The following OLFM4 variants were observed in gnomAD, a reference collection of about 807,000 sequenced individuals.
The protein encoded by OLFM4 is olfactomedin-4.
Under a neutral mutation model 25.5 loss-of-function variants are expected in OLFM4, and 22 were observed. That is an observed-to-expected ratio of 0.86 (90% CI 0.62 to 1.23). OLFM4 has a LOEUF of 1.23. OLFM4 is among the 50% of genes most tolerant of loss of function. OLFM4 has a pLI of 0.00. For synonymous variants in OLFM4, 255 were observed against 237.7 expected, an observed-to-expected ratio of 1.07 and a Z score of -0.67; for missense variants, 594 against 619.4, an observed-to-expected ratio of 0.96 and a Z score of 0.44.
intron 2 of OLFM4, among the ~76,000 whole-genome samples, chr13:53,039,590 A>G (rs1054270081): frequency 3.8e-4 from 58 of 152,352 alleles, no homozygotes; most frequent in African/African-American, 1.4e-3. Context: ...CTTGATTTAA[A>G]GTATTTGGGA....
chr13:53,047,919 A>G (rs1233175771), intron 4 of OLFM4, among the ~76,000 whole-genome samples: 1 of 152,044 alleles, frequency 6.6e-6, no homozygotes, highest in East Asian at 1.9e-4. Flanking sequence ...GGTTTGGGAT[A>G]TTTTCTTTTC....
intron 4 of OLFM4, among the ~76,000 whole-genome samples, chr13:53,044,549 AT>A (rs1282942314): frequency 1.3e-5 from 2 of 151,974 alleles, no homozygotes; most frequent in Non-Finnish European, 2.9e-5. Flanking sequence ...CTTCAGGTGG[AT>A]TTTTTTCCTC....
rs1954690302 is a variant in OLFM4 at position 53,042,090 on chromosome 13, A to G, written c.538A>G (p.Ser180Gly). 1.2e-6 allele frequency: 2 copies of G among 1,613,854 alleles called. No homozygotes were observed. Among genetic ancestry groups the G allele is most frequent in the Admixed American group, 1.7e-5 (1 of 59,968 alleles). ...VIQLKESFGG[S>G]SEIVDQLEVE... ...ACAGCTGAAGGAGAGTTTTGGTGGAAGCTCAGAAATTGTTGACCAGCTGGA... is the reference window on the plus strand; with the variant it reads ...ACAGCTGAAGGAGAGTTTTGGTGGAGGCTCAGAAATTGTTGACCAGCTGGA... Residue 180 changes from serine to glycine, a missense_variant, in exon 3 of 5, where the codon AGC (serine) becomes GGC (glycine). Transcript: ENST00000219022.
At chr13:53,046,228 G>T (rs147131741) in intron 4 of OLFM4, among the ~76,000 whole-genome samples, 192 of 152,286 alleles carry the variant, frequency 1.3e-3, no homozygotes, top group Middle Eastern at 6.8e-3. Context: ...TTGAGAGAGT[G>T]CATTAATAGA....
At chr13:53,042,360 T>C (rs1029203948) in intron 3 of OLFM4, among the ~76,000 whole-genome samples, 1 of 152,226 alleles carries the variant, frequency 6.6e-6, no homozygotes, top group Non-Finnish European at 1.5e-5. Flanking sequence ...GTCAGAATCC[T>C]GCCCCAGAAT....
chr13:53,030,065 A>T (rs1397323774), intron 1 of OLFM4, among the ~76,000 whole-genome samples: 1 of 152,162 alleles, frequency 6.6e-6, no homozygotes, highest in Non-Finnish European at 1.5e-5. Flanking sequence ...CTTTCCTCAC[A>T]GGTCAGGTAG....
chr13:53,028,871 T>G lies in OLFM4; in HGVS notation c.35T>G (p.Leu12Arg). The G allele has an allele frequency of 1.2e-6, 2 of 1,614,218 alleles. No homozygotes were observed. The highest frequency in any genetic ancestry group is 1.7e-6 in the Non-Finnish European group (2 of 1,180,026). The change falls in exon 1 of 5, where the codon CTG (leucine) becomes CGG (arginine). Residue 12 changes from leucine (L) to arginine (R), a missense_variant. Physicochemically the swap from Leu to Arg is moderately radical, Grantham distance 102 (BLOSUM62 -2). Coordinates refer to ENST00000219022, the MANE Select transcript of OLFM4 (RefSeq NM_006418.5). ...RPGLSFLLAL[L>R]FFLGQAAGDL... is the part of the protein sequence containing the mutation. ...GGCCTCTCATTTCTCCTAGCCCTTCTGTTCTTCCTTGGCCAAGCTGCAGGG... is the reference window on the plus strand; with the variant it reads ...GGCCTCTCATTTCTCCTAGCCCTTCGGTTCTTCCTTGGCCAAGCTGCAGGG...
At chr13:53,030,884 A>G (rs1006554163) in intron 1 of OLFM4, among the ~76,000 whole-genome samples, 1 of 152,242 alleles carries the variant, frequency 6.6e-6, no homozygotes, top group East Asian at 1.9e-4. Flanking sequence ...AATCAGTTAC[A>G]TAAGTTTATT....
chr13:53,030,319 T>C (rs1348837685), intron 1 of OLFM4, among the ~76,000 whole-genome samples: 1 of 152,214 alleles, frequency 6.6e-6, no homozygotes, highest in Non-Finnish European at 1.5e-5. Context: ...TGTTTGTTTT[T>C]TGAGACAGAG....
At chr13:53,036,290 T>C (rs958633024) in intron 2 of OLFM4, among the ~76,000 whole-genome samples, 1 of 152,234 alleles carries the variant, frequency 6.6e-6, no homozygotes, top group African/African-American at 2.4e-5. Flanking sequence ...TATTCCAGCA[T>C]AATCAAGTAC....
chr13:53,042,207 C>T, intron 3 of OLFM4, 85 bp downstream of exon 3: 1 of 1,118,286 alleles, frequency 8.9e-7, no homozygotes, highest in Non-Finnish European at 1.3e-6. Flanking sequence ...GGAAGTGAAA[C>T]TATCTCTTCC....
intron 4 of OLFM4, among the ~76,000 whole-genome samples, chr13:53,049,043 C>T (rs1954730345): frequency 6.6e-6 from 1 of 152,058 alleles, no homozygotes; most frequent in Admixed American, 6.6e-5. Flanking sequence ...AGTTATTTAC[C>T]CAAGTGTTAC....
In OLFM4 at chr13:53,033,170, A is replaced by G. The variant is rs574342513; in HGVS notation, c.205-1178A>G. Among the ~76,000 whole-genome samples the G allele has an allele frequency of 3.3e-5, 5 of 152,326 alleles. No individual in the cohort carries two copies. In the South Asian group the frequency reaches 1.0e-3, roughly 32 times the overall value. The stretch of plus-strand genomic sequence containing the variant: ...GAAGTTCAAAGGGGACAAAAGAAAA[A>G]CAGGATCTTTCAAAAGTGTCATTTA... On this transcript the variant is annotated intron_variant, in intron 1 of 4. Transcript: ENST00000219022.
intron 4 of OLFM4, among the ~76,000 whole-genome samples, chr13:53,047,337 T>C (rs1954720931): frequency 6.6e-6 from 1 of 152,138 alleles, no homozygotes; most frequent in Non-Finnish European, 1.5e-5. Context: ...CAGTGGGCAC[T>C]GGACTGGCTG....
intron 4 of OLFM4, among the ~76,000 whole-genome samples, chr13:53,048,186 C>T (rs1226753697): frequency 1.3e-5 from 2 of 152,074 alleles, no homozygotes; most frequent in Non-Finnish European, 2.9e-5. Context: ...TGAGAGATCA[C>T]TTTTAGTAGA....
rs1451808337 is a variant in OLFM4 at position 53,043,140 on chromosome 13, G to C, written c.606G>C (p.Glu202Asp). 40 of 1,611,116 alleles carry C rather than the reference G, an allele frequency of 2.5e-5. No homozygotes were observed. The highest frequency in any genetic ancestry group is 3.2e-5 in the Non-Finnish European group (38 of 1,178,986). ...TGACTCTCTTGGTAGAGAAGCTTGA[G>C]ACACTAGACAAAAACAATGTCCTTG... Reference protein sequence around the residue: ...RNMTLLVEKLETLDKNNVLAI... With the variant: ...RNMTLLVEKLDTLDKNNVLAI... The change falls in exon 4 of 5, where the codon GAG becomes GAC. Residue 202 changes from glutamate (E) to aspartate (D), a missense_variant. Transcript: ENST00000219022.
At chr13:53,034,647 C>T (rs930622371) in intron 2 of OLFM4, 147 bp downstream of exon 2, 11 of 744,594 alleles carry the variant, frequency 1.5e-5, no homozygotes, top group African/African-American at 1.1e-4. Flanking sequence ...TTTTATAGGA[C>T]ACCAATGGAG....
chr13:53,042,837 G>C (rs1289374291), intron 3 of OLFM4, among the ~76,000 whole-genome samples: 1 of 152,154 alleles, frequency 6.6e-6, no homozygotes, highest in South Asian at 2.1e-4. Flanking sequence ...AACTTTAATG[G>C]ACATTTGTGG....
At chr13:53,035,397 T>C (rs1954653270) in intron 2 of OLFM4, among the ~76,000 whole-genome samples, 1 of 152,166 alleles carries the variant, frequency 6.6e-6, no homozygotes, top group Non-Finnish European at 1.5e-5. Context: ...CAATGCGTAA[T>C]AATCACATCA....
Sources: allele counts gnomAD v4.1 joint callset (sites outside exome capture counted in the v4.1 genomes callset), GRCh38; gene constraint gnomAD v4.1.1; transcripts MANE v1.5; gene names NCBI Gene and HGNC (gene_info 2026-07-23, HGNC 2026-07-21).